Variants in UBXN11 observed in about 807,000 individuals in gnomAD.
UBXN11 encodes the protein UBX domain protein 11.
Under a neutral mutation model 62.8 loss-of-function variants are expected in UBXN11, and 47 were observed. The observed-to-expected ratio is 0.75, with a 90% confidence interval of 0.59 to 0.95. UBXN11 has a LOEUF of 0.95. Among genes scored for constraint, UBXN11 ranks in the 40% least tolerant of loss-of-function variants. The probability of loss-of-function intolerance (pLI) is 0.00; values close to 1 mark genes in which losing one functional copy is unlikely to be tolerated. For synonymous variants in UBXN11, 294 were observed against 267.0 expected, an observed-to-expected ratio of 1.10 and a Z score of -0.99; for missense variants, 638 against 661.7, an observed-to-expected ratio of 0.96 and a Z score of 0.39.
At position 26,300,952 on chromosome 1, in the gene UBXN11, C is replaced by T. The variant is rs762094332; in HGVS notation, c.173G>A (p.Gly58Asp). Residue 58 changes from glycine to aspartate, a missense_variant, in exon 4 of 15, where the codon GGC becomes GAC. Physicochemically the swap from Gly to Asp is moderately conservative, Grantham distance 94 (BLOSUM62 -1). Coordinates refer to ENST00000374222, the MANE Select transcript of UBXN11 (RefSeq NM_001389556.1). Reference protein sequence around the residue: ...EKISVPSCYGGIGAPVSRQVP... With the variant: ...EKISVPSCYGDIGAPVSRQVP... ...TTGCCGACTCACAGGGGCACCTATGCCGCCATAGCAGGAAGGGACTGAGAT... is the reference window on the plus strand; with the variant it reads ...TTGCCGACTCACAGGGGCACCTATGTCGCCATAGCAGGAAGGGACTGAGAT... The T allele has an allele frequency of 1.2e-6, 2 of 1,614,236 alleles. No individual in the cohort carries two copies. The highest frequency in any genetic ancestry group is 3.3e-5 in the Admixed American group (2 of 60,024).
At chr1:26,311,725 C>G (rs2124681050) in intron 1 of UBXN11, among the ~76,000 whole-genome samples, 1 of 152,174 alleles carries the variant, frequency 6.6e-6, no homozygotes, top group African/African-American at 2.4e-5. Context: ...ACAGGCATGA[C>G]CCACCGCACC....
chr1:26,312,979 C>CAA lies in UBXN11; in HGVS notation c.-149+5066_-149+5067dup, dbSNP rs55777309. 7.5e-4 allele frequency among the ~76,000 whole-genome samples: 36 copies of CAA among 48,104 alleles called. 1 individual carries two copies. Among genetic ancestry groups the CAA allele is most frequent in the Middle Eastern group, 0.018 (1 of 56 alleles). The allele number at this position is 48,104 out of a possible 152,430, so 31.6% of individuals were successfully genotyped here. On this transcript the variant is annotated intron_variant, in intron 1 of 14. Transcript: ENST00000374217. Reference sequence around the variant, plus strand: ...GGGCAACAAGAGCAAAACTCTGTCTCAAAAAAAAAAAAAAAAAAAAAAAAA... The same window carrying CAA: ...GGGCAACAAGAGCAAAACTCTGTCTCAAAAAAAAAAAAAAAAAAAAAAAAAAA...
chr1:26,308,275 AAAAAG>A (rs11430445), upstream of UBXN11, among the ~76,000 whole-genome samples: 96 of 141,282 alleles, frequency 6.8e-4, no homozygotes, highest in African/African-American at 1.2e-3. Flanking sequence ...CAAAAAAAAA[AAAAAG>A]AAAAGAAAAG....
intron 10 of UBXN11, chr1:26,285,091 G>C: frequency 9.6e-7 from 1 of 1,037,278 alleles, no homozygotes; most frequent in Non-Finnish European, 1.2e-6. Flanking sequence ...CCTCTGCTTT[G>C]CATTTGTGGC....
rs758221664 is a variant in UBXN11, at chr1:26,282,649, C to G, written c.1292G>C (p.Arg431Thr). ...GGCCCTGGCCCTGCCCTGCACCCAC[C>G]TGGCCTGCGCTAGCAGAGCTCGCAC... ...GDVRALLAQARVMDASAFEIF... is the reference protein window; with the variant it reads ...GDVRALLAQATVMDASAFEIF... The change falls in exon 14 of 15, where the codon AGG (arginine) becomes ACG (threonine). Residue 431 changes from arginine (R) to threonine (T), a missense_variant and splice_region_variant. Transcript: ENST00000374222. 2 of 1,613,994 alleles carry G rather than the reference C, an allele frequency of 1.2e-6. No homozygotes were observed. Among genetic ancestry groups the G allele is most frequent in the Non-Finnish European group, 1.7e-6 (2 of 1,180,012 alleles).
chr1:26,311,649 G>A (rs2073745884), intron 1 of UBXN11, among the ~76,000 whole-genome samples: 3 of 151,946 alleles, frequency 2.0e-5, no homozygotes, highest in South Asian at 4.1e-4. Context: ...CACCATGTTG[G>A]TCAGGCTGGT....
chr1:26,306,010 A>G (rs2073658583), intron 1 of UBXN11, among the ~76,000 whole-genome samples: 1 of 152,206 alleles, frequency 6.6e-6, no homozygotes, highest in South Asian at 2.1e-4. Flanking sequence ...CTCCCAGATT[A>G]CAAGGGCCCC....
intron 4 of UBXN11, among the ~76,000 whole-genome samples, chr1:26,299,438 ACAGGTCGAGGCTGC>A: frequency 6.6e-6 from 1 of 151,184 alleles, no homozygotes; most frequent in South Asian, 2.1e-4. Flanking sequence ...CTTGAGCCTG[ACAGGTCGAGGCTGC>A]AGTAAGTAGT....
At chr1:26,303,767 G>C (rs1322773955) in intron 1 of UBXN11, among the ~76,000 whole-genome samples, 1 of 152,110 alleles carries the variant, frequency 6.6e-6, no homozygotes, top group Non-Finnish European at 1.5e-5. Flanking sequence ...GGCACAGGCA[G>C]GGTTCTGAGC....
rs1274053720 is a variant in UBXN11 at position 26,294,221 on chromosome 1, C to T, written c.543G>A (p.Lys181=). 1 of 1,614,154 alleles carries T rather than the reference C, an allele frequency of 6.2e-7. No individual in the cohort carries two copies. The highest frequency in any genetic ancestry group is 2.2e-5 in the East Asian group (1 of 44,886). Residue 181 remains lysine (K), a synonymous_variant, in exon 8 of 15, where the codon AAG becomes AAA. Coordinates refer to ENST00000374222, the MANE Select transcript of UBXN11 (RefSeq NM_001389556.1). ...EHGERDWMTA[K]KFWKPGDSLA... Reference sequence around the variant, plus strand: ...CTGCTCTACCTGGCTTCCAGAACTTCTTGGCTGTCATCCAGTCCCTCTCGC... The same window carrying T: ...CTGCTCTACCTGGCTTCCAGAACTTTTTGGCTGTCATCCAGTCCCTCTCGC...
intron 1 of UBXN11, among the ~76,000 whole-genome samples, chr1:26,305,933 C>A (rs1056577866): frequency 1.3e-5 from 2 of 152,232 alleles, no homozygotes; most frequent in Non-Finnish European, 2.9e-5. Flanking sequence ...CACATGGCTC[C>A]CAACTGACTT....
chr1:26,296,329 G>A (rs746206215), intron 7 of UBXN11, among the ~76,000 whole-genome samples: 2 of 152,200 alleles, frequency 1.3e-5, no homozygotes, highest in Non-Finnish European at 2.9e-5. Context: ...CATACAGGAG[G>A]AAACTGCTCC....
rs1477907524 is a variant in UBXN11, at chr1:26,284,213, T to C, written c.1006A>G (p.Arg336Gly). ...TGCCGGATCACAAACTTGGGGAGCC[T>C]GTTCAGAAATTTCTCAGCAGTCATC... ...SRMTAEKFLN[R>G]LPKFVIRQGE... The change falls in exon 12 of 15, where the codon AGG (arginine) becomes GGG (glycine). Residue 336 changes from arginine to glycine, a missense_variant. Physicochemically the swap from Arg to Gly is moderately radical, Grantham distance 125. Coordinates refer to ENST00000374222, the MANE Select transcript of UBXN11 (RefSeq NM_001389556.1). 6.2e-7 allele frequency: 1 copy of C among 1,612,846 alleles called. No individual in the cohort carries two copies. Among genetic ancestry groups the C allele is most frequent in the African/African-American group, 1.3e-5 (1 of 74,976 alleles).
At chr1:26,313,365 A>G (rs114497183) in intron 1 of UBXN11, among the ~76,000 whole-genome samples, 2,134 of 152,168 alleles carry the variant, frequency 0.014, 53 homozygotes, top group African/African-American at 0.049. Flanking sequence ...CAGCACACAC[A>G]TTTCCTCTGA....
chr1:26,316,901 A>G (rs184192156), intron 1 of UBXN11, among the ~76,000 whole-genome samples: 15 of 150,100 alleles, frequency 1.0e-4, no homozygotes, highest in African/African-American at 3.7e-4. Context: ...CAAACAACCC[A>G]TCTGCTTGCT....
upstream of UBXN11, among the ~76,000 whole-genome samples, chr1:26,309,673 G>A (rs957384239): frequency 6.6e-6 from 1 of 152,170 alleles, no homozygotes; most frequent in African/African-American, 2.4e-5. Context: ...CTGTGGACCA[G>A]CATAACTTAA....
upstream of UBXN11, among the ~76,000 whole-genome samples, chr1:26,311,055 A>C (rs2073739874): frequency 6.6e-6 from 1 of 151,982 alleles, no homozygotes; most frequent in African/African-American, 2.4e-5. Flanking sequence ...GTCTTGAACA[A>C]GGCTCTTTCT....
chr1:26,285,982 C>A lies in UBXN11; in HGVS notation c.615G>T (p.Gln205His). The A allele has an allele frequency of 6.2e-7, 1 of 1,612,842 alleles. No individual in the cohort carries two copies. Among genetic ancestry groups the A allele is most frequent in the Non-Finnish European group, 8.5e-7 (1 of 1,179,190 alleles). ...VDFDRLLASLQDLSELVVEGD... is the reference protein window; with the variant it reads ...VDFDRLLASLHDLSELVVEGD... ...CCTCTACCACCAGCTCACTAAGATC[C>A]TGCAGGCTGGCCAGCAGCCTGTCAA... The change falls in exon 9 of 15, where the codon CAG becomes CAT. Residue 205 changes from glutamine (Q) to histidine (H), a missense_variant. By Grantham distance (24) the Gln-to-His change is conservative. Coordinates refer to ENST00000374222, the MANE Select transcript of UBXN11 (RefSeq NM_001389556.1).
chr1:26,298,195 C>G, intron 4 of UBXN11, 133 bp from the exon 5 acceptor site: 1 of 809,548 alleles, frequency 1.2e-6, no homozygotes, highest in African/African-American at 1.7e-5. Flanking sequence ...ATCATAGGAA[C>G]TGTTCTAAAC....
Sources: gnomAD v4.1 joint callset for allele counts (sites outside exome capture counted in the v4.1 genomes callset) on GRCh38, gnomAD v4.1.1 for gene constraint, MANE v1.5 for transcripts, NCBI Gene and HGNC (gene_info 2026-07-23, HGNC 2026-07-21) for gene names.